WDPCP: variants seen among roughly 807,000 people sequenced by gnomAD.
WDPCP encodes the protein WD repeat-containing and planar cell polarity effector protein fritz homolog.
Under a neutral mutation model 93.1 loss-of-function variants are expected in WDPCP, and 71 were observed. The ratio of observed to expected loss-of-function variants is 0.76; its 90% CI spans 0.63 to 0.93. The LOEUF is 0.93. Among genes scored for constraint, WDPCP ranks in the 40% least tolerant of loss-of-function variants. WDPCP has a pLI of 0.00. For missense variants in WDPCP, 844 were observed against 887.4 expected (o/e 0.95, Z 0.62); for synonymous variants, 315 against 315.0 (o/e 1.00, Z 0.00).
At chr2:63,814,351 G>GA (rs1049956433) in intron 1 of WDPCP, among the ~76,000 whole-genome samples, 23 of 144,690 alleles carry the variant, frequency 1.6e-4, no homozygotes, top group Admixed American at 2.8e-4. Context: ...TTCCTGGTTT[G>GA]AAAAAAAAAA....
intron 17 of WDPCP, among the ~76,000 whole-genome samples, chr2:63,137,118 G>C (rs541201429): frequency 6.6e-6 from 1 of 152,240 alleles, no homozygotes; most frequent in African/African-American, 2.4e-5. Context: ...GCTGTAGGAC[G>C]TTGAGGAATC....
At chr2:63,356,262 C>G (rs1324256375) in intron 12 of WDPCP, among the ~76,000 whole-genome samples, 1 of 152,174 alleles carries the variant, frequency 6.6e-6, no homozygotes, top group Non-Finnish European at 1.5e-5. Context: ...ACACAGGAGC[C>G]TTCAGATTCA....
intron 13 of WDPCP, among the ~76,000 whole-genome samples, chr2:63,279,488 C>A (rs902816438): frequency 3.3e-5 from 5 of 152,176 alleles, no homozygotes. Flanking sequence ...CTATGACAAA[C>A]CCACAGCCAA....
intron 3 of WDPCP, chr2:63,622,089 G>GTCTTTT: frequency 1.3e-5 from 7 of 549,144 alleles, no homozygotes; most frequent in South Asian, 5.8e-5. Flanking sequence ...TTTTTTGGAA[G>GTCTTTT]TTGATTTTTA....
chr2:63,747,384 T>C (rs1171323709), intron 2 of WDPCP, among the ~76,000 whole-genome samples: 1 of 152,182 alleles, frequency 6.6e-6, no homozygotes, highest in Non-Finnish European at 1.5e-5. Flanking sequence ...TGAGGATATT[T>C]TCCTATGTAT....
At chr2:63,357,105 T>C (rs1690075907) in intron 12 of WDPCP, among the ~76,000 whole-genome samples, 1 of 152,054 alleles carries the variant, frequency 6.6e-6, no homozygotes, top group African/African-American at 2.4e-5. Context: ...CTTCTTTACA[T>C]CATACAAAAA....
intron 14 of WDPCP, among the ~76,000 whole-genome samples, chr2:63,203,269 T>C (rs1431047093): frequency 1.3e-5 from 2 of 152,066 alleles, no homozygotes; most frequent in Non-Finnish European, 2.9e-5. Context: ...ATTGTGGAAA[T>C]GGGGTATCCA....
chr2:63,382,077 G>A lies in WDPCP; in HGVS notation c.1453C>T (p.Gln485Ter). The part of the protein sequence containing the change: ...LFKLGVFTRG[Q>*]LGLIDIIFQY... ...AAGATGATGTCTATCAGGCCCAGCT[G>A]TCCTCGAGTGAAGACGCCTATCACA... Residue 485 changes from glutamine (Q) to a stop codon, truncating the protein, a stop_gained, in exon 11 of 18, where the codon CAG becomes TAG. Coordinates refer to ENST00000272321, the MANE Select transcript of WDPCP (RefSeq NM_015910.7). LOFTEE classifies it high-confidence loss of function. 1 of 1,613,006 alleles carries A rather than the reference G, an allele frequency of 6.2e-7. No homozygotes were observed. The highest frequency in any genetic ancestry group is 1.1e-5 in the South Asian group (1 of 91,032).
intron 2 of WDPCP, among the ~76,000 whole-genome samples, chr2:63,776,659 A>T (rs1053176746): frequency 7.3e-5 from 11 of 150,312 alleles, no homozygotes; most frequent in African/African-American, 2.4e-4. Context: ...CTGTCTCAAA[A>T]AAAAAAAAAA....
intron 12 of WDPCP, among the ~76,000 whole-genome samples, chr2:63,318,917 G>A (rs186528837): frequency 6.6e-6 from 1 of 152,096 alleles, no homozygotes; most frequent in East Asian, 1.9e-4. Context: ...ATGTACCCTT[G>A]ACCCTAAAAG....
chr2:63,832,206 T>C (rs1024659418), upstream of WDPCP, among the ~76,000 whole-genome samples: 4 of 152,228 alleles, frequency 2.6e-5, no homozygotes, highest in African/African-American at 9.6e-5. Flanking sequence ...GTCTGTACTG[T>C]TTGGTCTAGT....
chr2:63,699,699 T>C (rs1036904647), intron 2 of WDPCP, among the ~76,000 whole-genome samples: 6 of 152,116 alleles, frequency 3.9e-5, no homozygotes, highest in Non-Finnish European at 7.4e-5. Flanking sequence ...TTTTCTAACA[T>C]AGAGGTATCC....
upstream of WDPCP, among the ~76,000 whole-genome samples, chr2:63,831,208 A>G (rs1323722587): frequency 6.6e-6 from 1 of 152,220 alleles, no homozygotes; most frequent in African/African-American, 2.4e-5. Context: ...AGGTCATGTC[A>G]GTTCTCTGTT....
intron 2 of WDPCP, among the ~76,000 whole-genome samples, chr2:63,489,727 ATATGAC>A (rs754824042): frequency 6.6e-6 from 1 of 152,162 alleles, no homozygotes; most frequent in African/African-American, 2.4e-5. Flanking sequence ...TAAAATAATG[ATATGAC>A]TATAACAACT....
intron 3 of WDPCP, among the ~76,000 whole-genome samples, chr2:63,632,115 T>C (rs1180635282): frequency 6.6e-6 from 1 of 152,224 alleles, no homozygotes; most frequent in Non-Finnish European, 1.5e-5. Flanking sequence ...CTGTTCCTTC[T>C]ATAGAGCTGA....
intron 1 of WDPCP, among the ~76,000 whole-genome samples, chr2:63,563,078 T>A (rs563745109): frequency 6.6e-6 from 1 of 152,146 alleles, no homozygotes; most frequent in Admixed American, 6.5e-5. Flanking sequence ...CATACATACA[T>A]ACAGCCCACT....
At chr2:63,173,631 A>G (rs1194579261) in intron 15 of WDPCP, among the ~76,000 whole-genome samples, 1 of 152,194 alleles carries the variant, frequency 6.6e-6, no homozygotes, top group Non-Finnish European at 1.5e-5. Context: ...GCAATTTTTC[A>G]TGAATAAATG....
At chr2:63,637,074 C>G (rs1417895308) in intron 3 of WDPCP, among the ~76,000 whole-genome samples, 1 of 152,140 alleles carries the variant, frequency 6.6e-6, no homozygotes, top group East Asian at 1.9e-4. Flanking sequence ...AGAGTGGCGG[C>G]TGGGCGCGGT....
chr2:63,341,506 G>C (rs982908148), intron 12 of WDPCP, among the ~76,000 whole-genome samples: 3 of 152,180 alleles, frequency 2.0e-5, no homozygotes, highest in African/African-American at 4.8e-5. Flanking sequence ...TGCTGTTGTG[G>C]GTAGTGGGTA....
Sources: gnomAD v4.1 joint callset for allele counts (sites outside exome capture counted in the v4.1 genomes callset) on GRCh38, gnomAD v4.1.1 for gene constraint, MANE v1.5 for transcripts, NCBI Gene and HGNC (gene_info 2026-07-23, HGNC 2026-07-21) for gene names.